TENM2: variants seen among roughly 807,000 people sequenced by gnomAD.
TENM2 encodes teneurin transmembrane protein 2, also known as teneurin-2.
Under a neutral mutation model 245.2 loss-of-function variants are expected in TENM2, and 52 were observed. The ratio of observed to expected loss-of-function variants is 0.21; its 90% CI spans 0.17 to 0.27. The LOEUF (loss-of-function observed/expected upper bound fraction) is 0.27, where lower values mean the gene tolerates loss of function less well. Among genes scored for constraint, TENM2 ranks in the 10% least tolerant of loss-of-function variants. The pLI is 1.00. For synonymous variants in TENM2, 1,363 were observed against 1,438.9 expected (o/e 0.95, Z 1.19); for missense variants, 3,046 against 3,666.8 (o/e 0.83, Z 4.37).
At chr5:167,301,070 T>A (rs1265786524) in intron 1 of TENM2, among the ~76,000 whole-genome samples, 1 of 152,122 alleles carries the variant, frequency 6.6e-6, no homozygotes, top group African/African-American at 2.4e-5. Flanking sequence ...GGGGACGGAC[T>A]TACTTTCCAC....
At chr5:168,003,347 C>A (rs2617959) in intron 5 of TENM2, among the ~76,000 whole-genome samples, 7,023 of 51,120 alleles carry the variant, frequency 0.14, 475 homozygotes, top group African/African-American at 0.46. Context: ...ACACACACAC[C>A]CCCAAAGCTG....
the TENM2 span, among the ~76,000 whole-genome samples, chr5:167,072,288 C>A: frequency 6.6e-5 from 10 of 152,190 alleles, no homozygotes; most frequent in Admixed American, 2.0e-4. Flanking sequence ...CTTTATCAAG[C>A]CCTCTTTTTT....
intron 2 of TENM2, among the ~76,000 whole-genome samples, chr5:167,516,550 T>C (rs544540813): frequency 6.6e-6 from 1 of 152,282 alleles, no homozygotes; most frequent in African/African-American, 2.4e-5. Context: ...TATTTGCATA[T>C]ATACAAAGAC....
intron 2 of TENM2, among the ~76,000 whole-genome samples, chr5:167,774,854 A>G (rs1763651513): frequency 6.6e-6 from 1 of 152,134 alleles, no homozygotes; most frequent in Non-Finnish European, 1.5e-5. Flanking sequence ...TATCCTTAAA[A>G]CTGTCTATGT....
intron 2 of TENM2, among the ~76,000 whole-genome samples, chr5:167,743,453 T>A (rs1024939014): frequency 1.3e-5 from 2 of 152,178 alleles, no homozygotes; most frequent in African/African-American, 4.8e-5. Flanking sequence ...AAATGATGTT[T>A]AGGGTAACTA....
At chr5:167,604,185 A>G (rs1776858044) in intron 2 of TENM2, among the ~76,000 whole-genome samples, 1 of 152,230 alleles carries the variant, frequency 6.6e-6, no homozygotes, top group Non-Finnish European at 1.5e-5. Flanking sequence ...CTTGTTTACT[A>G]CTAAAATAAT....
At chr5:167,214,366 G>A in the TENM2 span, among the ~76,000 whole-genome samples, 1 of 152,154 alleles carries the variant, frequency 6.6e-6, no homozygotes, top group African/African-American at 2.4e-5. Context: ...ATAGGCAATA[G>A]ATCTCTATAG....
chr5:167,646,790 T>C (rs1354746352), intron 2 of TENM2, among the ~76,000 whole-genome samples: 1 of 152,102 alleles, frequency 6.6e-6, no homozygotes, highest in African/African-American at 2.4e-5. Flanking sequence ...GGCGTATAAT[T>C]GGGAGTGGAA....
intron 2 of TENM2, among the ~76,000 whole-genome samples, chr5:167,697,024 C>T (rs899466536): frequency 5.3e-5 from 8 of 152,230 alleles, no homozygotes; most frequent in African/African-American, 1.2e-4. Flanking sequence ...ATGGCCTCTG[C>T]GCATGCTTCC....
At chr5:167,465,781 A>C (rs753315380) in intron 2 of TENM2, among the ~76,000 whole-genome samples, 19 of 152,150 alleles carry the variant, frequency 1.2e-4, no homozygotes, top group Non-Finnish European at 2.4e-4. Context: ...CAGTAAGCGG[A>C]GATCGCGCCA....
chr5:167,099,475 C>A, the TENM2 span, among the ~76,000 whole-genome samples: 4 of 152,104 alleles, frequency 2.6e-5, no homozygotes, highest in South Asian at 8.3e-4. Context: ...GCGGGCGGAT[C>A]GCCTGAGGTT....
chr5:167,375,430 C>T (rs1344982994), exon 2 of TENM2: 5 of 1,551,602 alleles, frequency 3.2e-6, no homozygotes, highest in Admixed American at 2.0e-5. Context: ...CGGCCCTTAC[C>T]CTGACTGACT....
At chr5:167,551,234 T>C (rs966413566) in intron 2 of TENM2, among the ~76,000 whole-genome samples, 1 of 152,184 alleles carries the variant, frequency 6.6e-6, no homozygotes, top group African/African-American at 2.4e-5. Flanking sequence ...CGTCAGAAAA[T>C]AGTGTTGACT....
At chr5:167,151,808 C>G in the TENM2 span, among the ~76,000 whole-genome samples, 1 of 152,158 alleles carries the variant, frequency 6.6e-6, no homozygotes, top group Non-Finnish European at 1.5e-5. Context: ...TGAGCCACCG[C>G]GCCTGGCCTG....
intron 2 of TENM2, among the ~76,000 whole-genome samples, chr5:167,631,875 G>A (rs1778901494): frequency 6.6e-6 from 1 of 152,086 alleles, no homozygotes; most frequent in Admixed American, 6.6e-5. Flanking sequence ...TGTGGATTAT[G>A]ATTATGTCTT....
chr5:167,498,449 A>G (rs1025481), intron 2 of TENM2, among the ~76,000 whole-genome samples: 100,276 of 151,950 alleles, frequency 0.66, 34,842 homozygotes, highest in Non-Finnish European at 0.79. Flanking sequence ...AGAAGGTATG[A>G]CATTGCCAGG....
At chr5:167,812,435 G>A (rs1318246041) in intron 2 of TENM2, among the ~76,000 whole-genome samples, 1 of 152,180 alleles carries the variant, frequency 6.6e-6, no homozygotes, top group Non-Finnish European at 1.5e-5. Flanking sequence ...GGGCATCTGT[G>A]TAGAACCCTC....
the TENM2 span, among the ~76,000 whole-genome samples, chr5:167,077,205 G>T: frequency 8.5e-5 from 13 of 152,248 alleles, no homozygotes; most frequent in African/African-American, 3.1e-4. Context: ...GAAATGTAAA[G>T]AATAAAATAG....
chr5:167,690,468 G>A (rs146960023), intron 2 of TENM2, among the ~76,000 whole-genome samples: 1 of 152,040 alleles, frequency 6.6e-6, no homozygotes, highest in African/African-American at 2.4e-5. Flanking sequence ...ATTTGGGAAG[G>A]ACTTCTCATA....
Sources: gnomAD v4.1 joint callset for allele counts (sites outside exome capture counted in the v4.1 genomes callset) on GRCh38, gnomAD v4.1.1 for gene constraint, MANE v1.5 for transcripts, NCBI Gene and HGNC (gene_info 2026-07-23, HGNC 2026-07-21) for gene names.